The following KCTD1 variants were observed in gnomAD, a reference collection of about 807,000 sequenced individuals.
The protein encoded by KCTD1 is BTB/POZ domain-containing protein KCTD1.
In KCTD1, 24 loss-of-function variants were observed where a neutral mutation model predicts 66.0. The observed-to-expected ratio is 0.36, with a 90% CI of 0.26 to 0.51. The LOEUF (loss-of-function observed/expected upper bound fraction) is 0.51, where lower values mean the gene tolerates loss of function less well. Among genes scored for constraint, KCTD1 ranks in the 20% least tolerant of loss-of-function variants. KCTD1 has a pLI of 0.95. For missense variants in KCTD1, 943 were observed against 1,205.2 expected (o/e 0.78, Z 3.22); for synonymous variants, 511 against 517.2 (o/e 0.99, Z 0.16).
chr18:26,564,558 T>G (rs1352925190), intron 1 of KCTD1, among the ~76,000 whole-genome samples: 3 of 152,198 alleles, frequency 2.0e-5, no homozygotes, highest in Non-Finnish European at 4.4e-5. Flanking sequence ...TTATAATATC[T>G]TCCCAGCAAG....
At chr18:26,549,237 C>A, upstream of KCTD1, 1 of 986,566 alleles carries the variant, frequency 1.0e-6, no homozygotes, top group Non-Finnish European at 1.2e-6. Context: ...GCGGCTCCCC[C>A]ACCTACTTGC....
At chr18:26,568,891 T>A (rs1986041995) in intron 1 of KCTD1, among the ~76,000 whole-genome samples, 1 of 152,244 alleles carries the variant, frequency 6.6e-6, no homozygotes, top group African/African-American at 2.4e-5. Context: ...AAATATATTT[T>A]CTTTGGGAAA....
intron 1 of KCTD1, among the ~76,000 whole-genome samples, chr18:26,637,021 C>T (rs977822549): frequency 6.6e-6 from 1 of 152,232 alleles, no homozygotes; most frequent in African/African-American, 2.4e-5. Context: ...TGCTCTCACC[C>T]GCTGCGGTCC....
chr18:26,564,536 T>A (rs1472115048), intron 1 of KCTD1, among the ~76,000 whole-genome samples: 1 of 152,220 alleles, frequency 6.6e-6, no homozygotes, highest in African/African-American at 2.4e-5. Context: ...GTAATACTTC[T>A]ATATTATTTT....
At chr18:26,535,837 T>C (rs1984676368) in intron 1 of KCTD1, among the ~76,000 whole-genome samples, 1 of 152,038 alleles carries the variant, frequency 6.6e-6, no homozygotes, top group Non-Finnish European at 1.5e-5. Flanking sequence ...GTTTTCCTCA[T>C]CTGTAGAATG....
intron 1 of KCTD1, among the ~76,000 whole-genome samples, chr18:26,587,519 T>C (rs1986497638): frequency 6.6e-6 from 1 of 152,202 alleles, no homozygotes; most frequent in South Asian, 2.1e-4. Flanking sequence ...ATTTAAGAAA[T>C]CCATTTCATA....
rs7229146 is a variant in KCTD1 at position 26,647,952 on chromosome 18, G to A, written c.9+9408C>T. Among the ~76,000 whole-genome samples, 718 of 152,038 alleles carry A rather than the reference G, an allele frequency of 4.7e-3. 10 individuals carry two copies. The highest frequency in any genetic ancestry group is 0.017 in the African/African-American group (692 of 41,442). ...CCTCCCAGGTTCAAGTGATTCTCCC[G>A]CCTCAGTCTCCCAAGTAGTGGCTGG... On this transcript the variant is annotated intron_variant, in intron 1 of 4. Transcript: ENST00000580191.
intron 1 of KCTD1, among the ~76,000 whole-genome samples, chr18:26,601,326 TAAAAAA>T (rs61521451): frequency 5.4e-5 from 5 of 93,252 alleles, no homozygotes; most frequent in African/African-American, 8.6e-5. Flanking sequence ...TGTTCATTGG[TAAAAAA>T]AAAAAAAAAA....
chr18:26,584,464 T>C (rs75137709), intron 1 of KCTD1, among the ~76,000 whole-genome samples: 2,236 of 152,340 alleles, frequency 0.015, 53 homozygotes, highest in African/African-American at 0.051. Flanking sequence ...AAAATTTAAA[T>C]CTACATATGT....
intron 1 of KCTD1, among the ~76,000 whole-genome samples, chr18:26,568,129 A>G (rs560845376): frequency 6.6e-6 from 1 of 152,378 alleles, no homozygotes; most frequent in South Asian, 2.1e-4. Flanking sequence ...GTGATGTTAA[A>G]TGAAACCCCA....
intron 2 of KCTD1, among the ~76,000 whole-genome samples, chr18:26,490,813 T>G (rs1348214109): frequency 6.6e-6 from 1 of 152,078 alleles, no homozygotes; most frequent in Admixed American, 6.5e-5. Context: ...AGTACAGTAG[T>G]GTGATCTCGG....
intron 3 of KCTD1, among the ~76,000 whole-genome samples, chr18:26,473,102 A>G (rs936183930): frequency 6.6e-6 from 1 of 152,236 alleles, no homozygotes; most frequent in Non-Finnish European, 1.5e-5. Context: ...AGCATGGAGA[A>G]TAAGGCAGGA....
At chr18:26,573,393 ATTG>A (rs1324730646) in intron 1 of KCTD1, among the ~76,000 whole-genome samples, 2 of 152,236 alleles carry the variant, frequency 1.3e-5, no homozygotes, top group Admixed American at 1.3e-4. Context: ...ACGCTTAAAA[ATTG>A]TTAAGATGGT....
At chr18:26,599,823 A>G (rs1221719988) in intron 1 of KCTD1, 8 of 1,560,518 alleles carry the variant, frequency 5.1e-6, no homozygotes, top group Non-Finnish European at 7.1e-6. Flanking sequence ...CTGAGGAAAT[A>G]CAGTCTGTTC....
intron 1 of KCTD1, among the ~76,000 whole-genome samples, chr18:26,637,450 G>C (rs1183169453): frequency 6.6e-6 from 1 of 152,232 alleles, no homozygotes; most frequent in Non-Finnish European, 1.5e-5. Context: ...GAGGCGCTGG[G>C]TGTGTGGGCA....
chr18:26,630,296 A>C (rs1464139409), upstream of KCTD1, among the ~76,000 whole-genome samples: 1 of 152,158 alleles, frequency 6.6e-6, no homozygotes, highest in Non-Finnish European at 1.5e-5. Context: ...AATTTTATTA[A>C]GTCTTGACCC....
intron 1 of KCTD1, among the ~76,000 whole-genome samples, chr18:26,639,013 G>A (rs934317184): frequency 1.3e-5 from 2 of 152,014 alleles, no homozygotes; most frequent in South Asian, 2.1e-4. Context: ...AGATGCCCAC[G>A]GGACTGCGGC....
At chr18:26,511,638 C>T (rs1212557450) in intron 1 of KCTD1, among the ~76,000 whole-genome samples, 1 of 152,206 alleles carries the variant, frequency 6.6e-6, no homozygotes, top group Non-Finnish European at 1.5e-5. Flanking sequence ...AGGAAGTTGA[C>T]TCTGAGGTCA....
At position 26,612,742 on chromosome 18, in the gene KCTD1, C is replaced by A. The variant is rs185328019; in HGVS notation, c.-16+16405G>T. 4.0e-3 allele frequency among the ~76,000 whole-genome samples: 606 copies of A among 152,324 alleles called. 3 individuals are homozygous for A. Among genetic ancestry groups the A allele is most frequent in the Non-Finnish European group, 6.4e-3 (436 of 68,034 alleles). On this transcript the variant is annotated intron_variant, in intron 1 of 4. Transcript: ENST00000317932. ...TGGTACTTTGTTACAGCAGCTCTGG[C>A]AAACTTAACACATCTTCCTTGTGCT...
Sources: gnomAD v4.1 joint callset for allele counts (sites outside exome capture counted in the v4.1 genomes callset) on GRCh38, gnomAD v4.1.1 for gene constraint, MANE v1.5 for transcripts, NCBI Gene and HGNC (gene_info 2026-07-23, HGNC 2026-07-21) for gene names.